Variants in GRIA1 observed in about 807,000 individuals in gnomAD.
GRIA1 encodes the protein glutamate receptor 1.
In GRIA1, 31 loss-of-function variants were observed where a neutral mutation model predicts 99.2. The observed-to-expected ratio is 0.31, with a 90% CI of 0.23 to 0.42. The LOEUF (loss-of-function observed/expected upper bound fraction) is 0.42. Among genes scored for constraint, GRIA1 ranks in the 10% least tolerant of loss-of-function variants. The pLI is 1.00. For missense variants in GRIA1, 782 were observed against 1,157.5 expected (o/e 0.68, Z 4.71); for synonymous variants, 438 against 432.4 (o/e 1.01, Z -0.16).
chr5:153,779,216 A>G (rs150238990), intron 13 of GRIA1, among the ~76,000 whole-genome samples: 11 of 152,230 alleles, frequency 7.2e-5, no homozygotes, highest in Non-Finnish European at 1.0e-4. Context: ...TTTCCCTTTC[A>G]TAGTTTAAAA....
rs772311830 is a variant in GRIA1, at chr5:153,490,901, T to C, written c.13T>C (p.Phe5Leu). The C allele has an allele frequency of 1.2e-6, 2 of 1,614,028 alleles. No individual in the cohort carries two copies. The highest frequency in any genetic ancestry group is 1.7e-6 in the Non-Finnish European group (2 of 1,179,942). Residue 5 changes from phenylalanine (F) to leucine (L), a missense_variant, in exon 1 of 16, where the codon TTT (phenylalanine) becomes CTT (leucine). Phe to Leu is a conservative substitution (Grantham distance 22). Coordinates refer to ENST00000285900, the MANE Select transcript of GRIA1 (RefSeq NM_000827.4). MQHI[F>L]AFFCTGFLGA... The stretch of plus-strand genomic sequence containing the variant: ...TGCAAAAAGGAATATGCAGCACATT[T>C]TTGCCTTCTTCTGCACCGGTTTCCT...
At chr5:153,762,565 A>G (rs1763255813) in intron 11 of GRIA1, among the ~76,000 whole-genome samples, 2 of 152,164 alleles carry the variant, frequency 1.3e-5, no homozygotes, top group African/African-American at 2.4e-5. Flanking sequence ...TGGAATTCGT[A>G]TATCCTGGTC....
At chr5:153,729,255 C>G (rs575002830) in intron 11 of GRIA1, among the ~76,000 whole-genome samples, 1 of 151,442 alleles carries the variant, frequency 6.6e-6, no homozygotes, top group Admixed American at 6.6e-5. Flanking sequence ...GAGGGGGGAG[C>G]GATAGCATTA....
At chr5:153,555,454 G>A (rs1760545279) in intron 2 of GRIA1, among the ~76,000 whole-genome samples, 1 of 152,112 alleles carries the variant, frequency 6.6e-6, no homozygotes, top group African/African-American at 2.4e-5. Flanking sequence ...CATTTATAAT[G>A]TTTCAACCTT....
At position 153,686,129 on chromosome 5, in the gene GRIA1, A is replaced by G. The variant is rs1757324196; in HGVS notation, c.1030-96A>G. ...ATACTCCAAGACATCATTCCATGGA[A>G]CACTCTTGGGTTCTGAATTTCTACT... On this transcript the variant is annotated intron_variant, in intron 7 of 15. Transcript: ENST00000285900. 4 of 877,288 alleles carry G rather than the reference A, an allele frequency of 4.6e-6. No homozygotes were observed. The South Asian group carries it at 5.7e-5, about 12-fold the overall frequency. 54.3% of individuals were successfully genotyped at this position (877,288 alleles called of 1,614,324 possible).
At chr5:153,750,265 G>A (rs1354872680) in intron 11 of GRIA1, among the ~76,000 whole-genome samples, 2 of 152,168 alleles carry the variant, frequency 1.3e-5, no homozygotes, top group East Asian at 3.9e-4. Flanking sequence ...AATTAGTCAA[G>A]ATGGACTTTT....
Position 153,546,884 on chromosome 5 carries a change from T to C in GRIA1, c.220+52819T>C, listed in dbSNP as rs147098714. Among the ~76,000 whole-genome samples the C allele has an allele frequency of 4.1e-4, 62 of 152,332 alleles. No homozygotes were observed. In the East Asian group the frequency reaches 0.011, roughly 27 times the overall value. On this transcript the variant is annotated intron_variant, in intron 2 of 15. Coordinates refer to ENST00000285900, the MANE Select transcript of GRIA1 (RefSeq NM_000827.4). ...GAGCTAAATCACCAAAATGTGTAAGTAGAGACAGACCAGAATGTAATCTCC... is the reference window on the plus strand; with the variant it reads ...GAGCTAAATCACCAAAATGTGTAAGCAGAGACAGACCAGAATGTAATCTCC...
chr5:153,798,764 C>T (rs532458686), intron 14 of GRIA1, among the ~76,000 whole-genome samples: 1 of 152,282 alleles, frequency 6.6e-6, no homozygotes, highest in East Asian at 1.9e-4. Flanking sequence ...TGAATCAGCC[C>T]TACATTCTTG....
chr5:153,552,621 G>A (rs1760254955), intron 2 of GRIA1, among the ~76,000 whole-genome samples: 1 of 151,950 alleles, frequency 6.6e-6, no homozygotes, highest in African/African-American at 2.4e-5. Context: ...TTCCCCAGAT[G>A]ATTCCAGTAT....
intron 2 of GRIA1, among the ~76,000 whole-genome samples, chr5:153,558,434 TTC>T (rs1399462990): frequency 2.0e-5 from 3 of 152,116 alleles, no homozygotes; most frequent in Non-Finnish European, 4.4e-5. Context: ...CTGATTTGTT[TTC>T]TGTTTCTATA....
At chr5:153,608,857 G>A (rs1765688595) in intron 2 of GRIA1, among the ~76,000 whole-genome samples, 1 of 152,028 alleles carries the variant, frequency 6.6e-6, no homozygotes, top group South Asian at 2.1e-4. Flanking sequence ...ATAATTTGAG[G>A]CCTAAGCTGA....
chr5:153,626,080 T>C (rs1054508628), intron 2 of GRIA1, among the ~76,000 whole-genome samples: 1 of 152,194 alleles, frequency 6.6e-6, no homozygotes, highest in Non-Finnish European at 1.5e-5. Context: ...CCTGGGAAAG[T>C]CTTTTCAGCC....
At chr5:153,629,440 C>T (rs917957294) in intron 2 of GRIA1, among the ~76,000 whole-genome samples, 1 of 152,134 alleles carries the variant, frequency 6.6e-6, no homozygotes, top group Non-Finnish European at 1.5e-5. Context: ...CTGTGATGAG[C>T]GACATTGTAG....
chr5:153,586,633 C>G (rs750209670), intron 2 of GRIA1, among the ~76,000 whole-genome samples: 3 of 152,172 alleles, frequency 2.0e-5, no homozygotes, highest in Admixed American at 6.5e-5. Context: ...AATATACACT[C>G]AGAGACCTCG....
chr5:153,676,858 T>C (rs1756622427), intron 6 of GRIA1, 136 bp from the exon 7 acceptor site: 1 of 532,192 alleles, frequency 1.9e-6, no homozygotes, highest in African/African-American at 1.9e-5. Context: ...CACCACTGTC[T>C]GCCCCACGTA....
intron 2 of GRIA1, among the ~76,000 whole-genome samples, chr5:153,595,580 A>T: frequency 6.6e-6 from 1 of 151,938 alleles, no homozygotes; most frequent in East Asian, 1.9e-4. Context: ...CTATTTATTT[A>T]CATATCCAGT....
intron 5 of GRIA1, among the ~76,000 whole-genome samples, chr5:153,671,836 A>T (rs766136991): frequency 3.3e-5 from 5 of 152,228 alleles, no homozygotes; most frequent in African/African-American, 1.2e-4. Context: ...CTCTTAGGAA[A>T]CTGACATTTC....
intron 15 of GRIA1, among the ~76,000 whole-genome samples, chr5:153,804,997 C>G (rs1368545458): frequency 6.6e-6 from 1 of 151,996 alleles, no homozygotes. Flanking sequence ...GATAATCCAC[C>G]CACCTCGGCC....
chr5:153,621,893 G>T (rs773996627), intron 2 of GRIA1, among the ~76,000 whole-genome samples: 5 of 152,136 alleles, frequency 3.3e-5, no homozygotes, highest in Non-Finnish European at 7.4e-5. Flanking sequence ...TCCTACAGCT[G>T]ATATTTATGC....
Sources: gnomAD v4.1 joint callset for allele counts (sites outside exome capture counted in the v4.1 genomes callset) on GRCh38, gnomAD v4.1.1 for gene constraint, MANE v1.5 for transcripts, NCBI Gene and HGNC (gene_info 2026-07-23, HGNC 2026-07-21) for gene names.